GPC6: variants seen among roughly 807,000 people sequenced by gnomAD.
The protein encoded by GPC6 is glypican-6.
Under a neutral mutation model 55.2 loss-of-function variants are expected in GPC6, and 14 were observed. The observed-to-expected ratio is 0.25, with a 90% CI of 0.17 to 0.40. The LOEUF is 0.40. GPC6 is among the 10% of genes least tolerant of loss of function. The pLI, the probability that GPC6 is intolerant of heterozygous loss-of-function variation, is 1.00. For missense variants in GPC6, 641 were observed against 708.5 expected (o/e 0.90, Z 1.08); for synonymous variants, 278 against 259.6 (o/e 1.07, Z -0.68).
intron 1 of GPC6, among the ~76,000 whole-genome samples, chr13:93,355,931 C>G (rs1880833885): frequency 6.6e-6 from 1 of 151,984 alleles, no homozygotes; most frequent in Non-Finnish European, 1.5e-5. Flanking sequence ...GCAAATAGGA[C>G]TGGGGCAGTG....
At chr13:93,272,294 A>G (rs1014325959) in intron 1 of GPC6, among the ~76,000 whole-genome samples, 1 of 152,002 alleles carries the variant, frequency 6.6e-6, no homozygotes, top group Non-Finnish European at 1.5e-5. Flanking sequence ...TTACCAAATG[A>G]ATAAGATAAA....
chr13:93,483,472 T>TA (rs1879591893), intron 1 of GPC6, among the ~76,000 whole-genome samples: 1 of 152,154 alleles, frequency 6.6e-6, no homozygotes, highest in Non-Finnish European at 1.5e-5. Flanking sequence ...TTCTAGTTTT[T>TA]ACCAATATCT....
intron 3 of GPC6, among the ~76,000 whole-genome samples, chr13:93,892,651 A>G (rs1439955323): frequency 6.6e-6 from 1 of 152,210 alleles, no homozygotes; most frequent in Non-Finnish European, 1.5e-5. Flanking sequence ...CCATTATGTA[A>G]TCACATGACA....
intron 3 of GPC6, among the ~76,000 whole-genome samples, chr13:93,900,030 T>C (rs1876257970): frequency 6.6e-6 from 1 of 152,152 alleles, no homozygotes; most frequent in Non-Finnish European, 1.5e-5. Flanking sequence ...TGAAAATAAT[T>C]TGTGGACTCA....
chr13:93,965,102 G>GTTTTTTTTTTTTTTTTTTTTTTTTTTTT (rs199810123), intron 3 of GPC6, among the ~76,000 whole-genome samples: 1 of 113,308 alleles, frequency 8.8e-6, no homozygotes. Flanking sequence ...AACACTATGA[G>GTTTTTTTTTTTTTTTTTTTTTTTTTTTT]TTTGTTTTTT....
At chr13:93,851,506 A>G (rs1263063543) in intron 3 of GPC6, among the ~76,000 whole-genome samples, 1 of 151,990 alleles carries the variant, frequency 6.6e-6, no homozygotes, top group Non-Finnish European at 1.5e-5. Flanking sequence ...GTCAGCTAGG[A>G]GTGTTCAGGA....
At chr13:93,651,894 C>T (rs1032344512) in intron 2 of GPC6, among the ~76,000 whole-genome samples, 4 of 152,276 alleles carry the variant, frequency 2.6e-5, no homozygotes, top group East Asian at 1.9e-4. Context: ...ATCAGAATCC[C>T]TGGGCATAGG....
intron 6 of GPC6, among the ~76,000 whole-genome samples, chr13:94,369,420 A>G (rs1418758337): frequency 2.0e-5 from 3 of 152,190 alleles, no homozygotes; most frequent in Non-Finnish European, 2.9e-5. Flanking sequence ...GCTGAAGGAG[A>G]AAGTCAAATA....
intron 4 of GPC6, among the ~76,000 whole-genome samples, chr13:94,269,079 A>G (rs1409168122): frequency 1.3e-5 from 2 of 152,192 alleles, no homozygotes; most frequent in Non-Finnish European, 2.9e-5. Context: ...TCGACCTCTT[A>G]GAATCAAGAA....
chr13:93,348,065 C>G, intron 1 of GPC6, among the ~76,000 whole-genome samples: 1 of 152,280 alleles, frequency 6.6e-6, no homozygotes, highest in Admixed American at 6.5e-5. Flanking sequence ...ACTATTTCCT[C>G]TGGCATAATG....
chr13:94,204,041 C>A (rs568272075), intron 4 of GPC6, among the ~76,000 whole-genome samples: 1 of 152,156 alleles, frequency 6.6e-6, no homozygotes, highest in Admixed American at 6.5e-5. Flanking sequence ...GAAGGAATAT[C>A]CAATAAATTT....
chr13:94,313,902 T>C (rs1468174121), intron 6 of GPC6, among the ~76,000 whole-genome samples: 1 of 152,230 alleles, frequency 6.6e-6, no homozygotes, highest in Non-Finnish European at 1.5e-5. Context: ...CATGTTGATA[T>C]GCTTATTTTC....
chr13:94,321,621 G>A (rs1387955018), intron 6 of GPC6, among the ~76,000 whole-genome samples: 1 of 152,170 alleles, frequency 6.6e-6, no homozygotes, highest in Admixed American at 6.5e-5. Flanking sequence ...CAGAGCATTG[G>A]AACGGTTATT....
chr13:94,286,252 A>G (rs2139084367), intron 4 of GPC6, 97 bp from the exon 5 acceptor site: 6 of 1,281,484 alleles, frequency 4.7e-6, no homozygotes, highest in Admixed American at 3.6e-5. Context: ...TGAATGCACC[A>G]TTATTTTTCA....
chr13:94,366,744 G>A (rs907864339), intron 6 of GPC6, among the ~76,000 whole-genome samples: 10 of 152,194 alleles, frequency 6.6e-5, no homozygotes, highest in African/African-American at 1.7e-4. Flanking sequence ...GATAGAGGCC[G>A]AAGTTAGCCA....
At chr13:93,423,049 A>AT (rs1555298902) in intron 1 of GPC6, among the ~76,000 whole-genome samples, 46 of 147,988 alleles carry the variant, frequency 3.1e-4, no homozygotes, top group Admixed American at 1.3e-3. Context: ...TGGTGGTCAC[A>AT]CCCCACCAGC....
chr13:93,702,194 G>A (rs1882692845), intron 2 of GPC6, among the ~76,000 whole-genome samples: 1 of 152,028 alleles, frequency 6.6e-6, no homozygotes, highest in African/African-American at 2.4e-5. Flanking sequence ...TGTTCTGTTA[G>A]CAAGCATGAA....
At chr13:93,475,240 C>A (rs186291783) in intron 1 of GPC6, among the ~76,000 whole-genome samples, 1 of 152,168 alleles carries the variant, frequency 6.6e-6, no homozygotes, top group African/African-American at 2.4e-5. Flanking sequence ...GCAAGAACAC[C>A]TCTATTTAAT....
intron 1 of GPC6, among the ~76,000 whole-genome samples, chr13:93,439,690 T>TG (rs1566358030): frequency 5.8e-4 from 84 of 144,614 alleles, no homozygotes; most frequent in African/African-American, 2.1e-3. Context: ...ATAAAATAAA[T>TG]AAAAAAAATA....
Sources: allele counts gnomAD v4.1 joint callset (sites outside exome capture counted in the v4.1 genomes callset), GRCh38; gene constraint gnomAD v4.1.1; transcripts MANE v1.5; gene names NCBI Gene and HGNC (gene_info 2026-07-23, HGNC 2026-07-21).